GSDME: variants seen among roughly 807,000 people sequenced by gnomAD.
GSDME encodes gasdermin-E.
A neutral mutation model predicts 47.5 loss-of-function variants in GSDME; 44 were observed. The observed-to-expected ratio is 0.93, with a 90% CI of 0.73 to 1.19. The LOEUF (loss-of-function observed/expected upper bound fraction) is 1.19. Among genes scored for constraint, GSDME ranks in the 50% most tolerant of loss-of-function variants. The probability of loss-of-function intolerance (pLI) is 0.00; values close to 1 mark genes in which losing one functional copy is unlikely to be tolerated. For missense variants in GSDME, 663 were observed against 604.2 expected (o/e 1.10, Z -1.02); for synonymous variants, 258 against 252.8 (o/e 1.02, Z -0.20).
intron 9 of GSDME, among the ~76,000 whole-genome samples, chr7:24,701,551 A>C (rs1323308124): frequency 6.6e-6 from 1 of 152,164 alleles, no homozygotes; most frequent in African/African-American, 2.4e-5. Flanking sequence ...ATCTGTAAAT[A>C]CTTGGGAAGG....
At chr7:24,748,993 C>T (rs1790767956) in intron 2 of GSDME, among the ~76,000 whole-genome samples, 1 of 152,072 alleles carries the variant, frequency 6.6e-6, no homozygotes, top group African/African-American at 2.4e-5. Flanking sequence ...GGTGATCCAC[C>T]CCACTTATGC....
chr7:24,732,027 T>C lies in GSDME; in HGVS notation c.404+12535A>G, dbSNP rs900741358. On this transcript the variant is annotated intron_variant, in intron 3 of 9. Coordinates refer to ENST00000645220, the MANE Select transcript of GSDME (RefSeq NM_001127453.2). This position sits in a 1 kb window ranked among gnomAD's most constrained non-coding sequence, Gnocchi z 4.8. ...CTGCCAGCCCCTCCCATCCCAGACC[T>C]TGGGATGCCCCGGTTTATTGTGACC... 6.6e-6 allele frequency among the ~76,000 whole-genome samples: 1 copy of C among 152,090 alleles called. No individual in the cohort carries two copies. Among genetic ancestry groups the C allele is most frequent in the African/African-American group, 2.4e-5 (1 of 41,412 alleles).
At chr7:24,779,280 G>C in the GSDME span, among the ~76,000 whole-genome samples, 1 of 152,242 alleles carries the variant, frequency 6.6e-6, no homozygotes, top group Non-Finnish European at 1.5e-5. The surrounding 1 kb of genome is among the most constrained non-coding windows in gnomAD (Gnocchi z 6.0). Flanking sequence ...AAAGTGGTTA[G>C]TAACTGCAGA....
chr7:24,718,945 C>T (rs111335992), intron 4 of GSDME, 102 bp downstream of exon 4: 18 of 1,325,954 alleles, frequency 1.4e-5, no homozygotes, highest in Non-Finnish European at 1.9e-5. Flanking sequence ...TAACTTGCTA[C>T]GGAAAGAGTC....
chr7:24,751,031 T>C (rs146094428), intron 1 of GSDME, among the ~76,000 whole-genome samples: 56 of 151,946 alleles, frequency 3.7e-4, no homozygotes, highest in African/African-American at 1.3e-3. Flanking sequence ...CTAGAAAAAA[T>C]AGAGAAATAT....
At chr7:24,703,990 C>G (rs1035394489) in intron 8 of GSDME, 4 of 152,218 alleles carry the variant, frequency 2.6e-5, no homozygotes, top group Non-Finnish European at 5.9e-5. Context: ...TCATCCTCAT[C>G]TCTTATTCTT....
rs79200255 is a variant in GSDME at position 24,742,717 on chromosome 7, C to A, written c.404+1845G>T. 0.01 allele frequency among the ~76,000 whole-genome samples: 1,549 copies of A among 152,270 alleles called. 24 individuals are homozygous for A. The highest frequency in any genetic ancestry group is 0.034 in the African/African-American group (1,412 of 41,546). On this transcript the variant is annotated intron_variant, in intron 3 of 9. Coordinates refer to ENST00000645220, the MANE Select transcript of GSDME (RefSeq NM_001127453.2). This position sits in a 1 kb window ranked among gnomAD's most constrained non-coding sequence, Gnocchi z 4.4. ...CTAAGCTAGAGAGGGTTGGGTGAGACTGAGGGAGCAGAGAAGACGCTCTGG... is the reference window on the plus strand; with the variant it reads ...CTAAGCTAGAGAGGGTTGGGTGAGAATGAGGGAGCAGAGAAGACGCTCTGG...
At chr7:24,741,461 A>T (rs11509139) in intron 3 of GSDME, among the ~76,000 whole-genome samples, 2 of 152,092 alleles carry the variant, frequency 1.3e-5, no homozygotes, top group Admixed American at 6.6e-5. Flanking sequence ...ACTGCATTCA[A>T]AGGGGTCAGC....
the GSDME span, among the ~76,000 whole-genome samples, chr7:24,777,983 C>T: frequency 2.0e-5 from 3 of 151,326 alleles, no homozygotes; most frequent in South Asian, 2.1e-4. Context: ...CCCTTGAATC[C>T]ACTCCAGCTT....
In GSDME at chr7:24,721,968, C is replaced by T. The variant is rs1199809285; in HGVS notation, c.405-2750G>A. Among the ~76,000 whole-genome samples, 1 of 152,220 alleles carries T rather than the reference C, an allele frequency of 6.6e-6. No individual in the cohort carries two copies. Among genetic ancestry groups the T allele is most frequent in the Admixed American group, 6.5e-5 (1 of 15,282 alleles). Reference sequence around the variant, plus strand: ...TGGTCACCTCCTCGGGGAAGCATTCCCTGCACCCCCATCATGCTATCACAC... The same window carrying T: ...TGGTCACCTCCTCGGGGAAGCATTCTCTGCACCCCCATCATGCTATCACAC... On this transcript the variant is annotated intron_variant, in intron 3 of 9. Coordinates refer to ENST00000645220, the MANE Select transcript of GSDME (RefSeq NM_001127453.2). The surrounding 1 kb of genome is among the most constrained non-coding windows in gnomAD (Gnocchi z 4.1).
chr7:24,727,128 T>C (rs968219654), intron 3 of GSDME, among the ~76,000 whole-genome samples: 2 of 152,194 alleles, frequency 1.3e-5, no homozygotes, highest in Admixed American at 1.3e-4. Flanking sequence ...AGTGTCTGCT[T>C]GGACATGGGA....
At chr7:24,720,902 C>T (rs1461350424) in intron 3 of GSDME, among the ~76,000 whole-genome samples, 13 of 137,490 alleles carry the variant, frequency 9.5e-5, no homozygotes, top group South Asian at 4.4e-4. Flanking sequence ...AGCGAAACTC[C>T]GTCTCAAAAA....
the GSDME span, among the ~76,000 whole-genome samples, chr7:24,793,926 C>G: frequency 6.6e-6 from 1 of 152,138 alleles, no homozygotes; most frequent in African/African-American, 2.4e-5. Flanking sequence ...GGGCCATCCA[C>G]GGGTTACTGG....
intron 3 of GSDME, among the ~76,000 whole-genome samples, chr7:24,727,401 CAG>C (rs780050351): frequency 4.6e-5 from 7 of 152,202 alleles, no homozygotes; most frequent in Non-Finnish European, 7.3e-5. Context: ...TCCCCAGAAA[CAG>C]AGATGGGGAC....
rs1790199608 is a variant in GSDME, at chr7:24,733,195, G to A, written c.404+11367C>T. On this transcript the variant is annotated intron_variant, in intron 3 of 9. Coordinates refer to ENST00000645220, the MANE Select transcript of GSDME (RefSeq NM_001127453.2). This position sits in a 1 kb window ranked among gnomAD's most constrained non-coding sequence, Gnocchi z 4.3. ...GCCAGAATGTAACCTCCTGCCTTAAGGGAAGGATGCAGTTGTGACAGGATT... is the reference window on the plus strand; with the variant it reads ...GCCAGAATGTAACCTCCTGCCTTAAAGGAAGGATGCAGTTGTGACAGGATT... 1.3e-5 allele frequency among the ~76,000 whole-genome samples: 2 copies of A among 152,118 alleles called. No homozygotes were observed. The highest frequency in any genetic ancestry group is 4.1e-4 in the South Asian group (2 of 4,828).
At chr7:24,753,542 GC>G (rs1198004028) in intron 1 of GSDME, among the ~76,000 whole-genome samples, 5 of 152,136 alleles carry the variant, frequency 3.3e-5, no homozygotes, top group Non-Finnish European at 4.4e-5. Context: ...AAAAGAGATT[GC>G]TAGAACAATG....
intron 2 of GSDME, among the ~76,000 whole-genome samples, chr7:24,746,170 G>C (rs1195530436): frequency 2.6e-5 from 4 of 152,200 alleles, no homozygotes; most frequent in African/African-American, 4.8e-5. Flanking sequence ...TTATAAAACA[G>C]AGAATCATCT....
intron 1 of GSDME, among the ~76,000 whole-genome samples, chr7:24,753,424 C>T (rs1221143732): frequency 1.3e-5 from 2 of 152,204 alleles, no homozygotes; most frequent in Non-Finnish European, 2.9e-5. Flanking sequence ...TTGCTGACCA[C>T]TTGGGTTATT....
Position 24,744,223 on chromosome 7 carries a change from T to G in GSDME, c.404+339A>C. On this transcript the variant is annotated intron_variant, in intron 3 of 9. Transcript: ENST00000645220. The surrounding 1 kb of genome is among the most constrained non-coding windows in gnomAD (Gnocchi z 4.5). ...AGAAAATTATAGAGCCAGAGGGGGG[T>G]CATGACTTCCTGGCTTCTAAAGTTA... 3.6e-6 allele frequency: 1 copy of G among 275,422 alleles called. No individual in the cohort carries two copies. Among genetic ancestry groups the G allele is most frequent in the Non-Finnish European group, 7.0e-6 (1 of 143,604 alleles). The allele number at this position is 275,422 out of a possible 1,614,324, so 17.1% of individuals were successfully genotyped here. A position where few individuals can be genotyped will look rare whatever the true frequency, so the allele number is the denominator to read the frequency against.
Sources: gnomAD v4.1 joint callset for allele counts (sites outside exome capture counted in the v4.1 genomes callset) on GRCh38, gnomAD v4.1.1 for gene constraint, Gnocchi (gnomAD v3.1) non-coding constraint, MANE v1.5 for transcripts, NCBI Gene and HGNC (gene_info 2026-07-23, HGNC 2026-07-21) for gene names.